NOTCH2: variants seen among roughly 807,000 people sequenced by gnomAD.
NOTCH2 encodes neurogenic locus notch homolog protein 2.
NOTCH2 carries 29 observed loss-of-function variants against 235.8 expected under a neutral mutation model. That is an observed-to-expected ratio of 0.12 (90% CI 0.09 to 0.17). NOTCH2 has a LOEUF of 0.17. Among genes scored for constraint, NOTCH2 ranks in the 10% least tolerant of loss-of-function variants. The pLI is 1.00. For missense variants in NOTCH2, 2,285 were observed against 3,150.2 expected, an observed-to-expected ratio of 0.73 and a Z score of 6.57; for synonymous variants, 1,086 against 1,141.5, an observed-to-expected ratio of 0.95 and a Z score of 0.98.
chr1:120,067,304 A>G (rs1553217269), intron 1 of NOTCH2, among the ~76,000 whole-genome samples: 1 of 147,818 alleles, frequency 6.8e-6, no homozygotes, highest in Non-Finnish European at 1.5e-5. Context: ...TAAAAATCAA[A>G]ATATCTAAAT....
intron 31 of NOTCH2, 67 bp downstream of exon 31, chr1:119,919,245 T>G: frequency 1.4e-6 from 2 of 1,474,662 alleles, no homozygotes; most frequent in Non-Finnish European, 1.9e-6. Flanking sequence ...ATTAATTCTT[T>G]AAAAACGATA....
intron 29 of NOTCH2, among the ~76,000 whole-genome samples, 167 bp from the exon 30 acceptor site, chr1:119,920,564 C>T (rs111953457): frequency 3.9e-5 from 6 of 152,304 alleles, no homozygotes; most frequent in African/African-American, 1.2e-4. Context: ...CCACTGCTCT[C>T]GTGATGTGGC....
intron 22 of NOTCH2, among the ~76,000 whole-genome samples, chr1:119,931,063 A>C (rs1375793780): frequency 1.3e-5 from 2 of 149,562 alleles, no homozygotes; most frequent in Non-Finnish European, 3.0e-5. Flanking sequence ...AGATTGCGCT[A>C]CTGCACTCCA....
intron 5 of NOTCH2, among the ~76,000 whole-genome samples, chr1:119,974,840 A>AT (rs1651507852): frequency 3.3e-5 from 5 of 152,188 alleles, no homozygotes; most frequent in Admixed American, 3.3e-4. Flanking sequence ...TTTCATATTT[A>AT]TTTACTCTTT....
At chr1:119,982,340 GC>G (rs1194983895) in intron 5 of NOTCH2, among the ~76,000 whole-genome samples, 1 of 152,106 alleles carries the variant, frequency 6.6e-6, no homozygotes, top group African/African-American at 2.4e-5. Context: ...TTAATAACAA[GC>G]ACAAGAAAAT....
rs1570715453 is a variant in NOTCH2, at chr1:119,984,244, C to G, written c.874+2716G>C. ...AGTCTATTAAAAAACACCCCAAGTTCTTAAAATAAAACAAGATAATTTACA... is the reference window on the plus strand; with the variant it reads ...AGTCTATTAAAAAACACCCCAAGTTGTTAAAATAAAACAAGATAATTTACA... On this transcript the variant is annotated intron_variant, in intron 5 of 33. Coordinates refer to ENST00000256646, the MANE Select transcript of NOTCH2 (RefSeq NM_024408.4). Among the ~76,000 whole-genome samples the G allele has an allele frequency of 2.0e-5, 3 of 152,206 alleles. No individual in the cohort carries two copies. In the East Asian group the frequency reaches 5.8e-4, roughly 29 times the overall value.
intron 2 of NOTCH2, among the ~76,000 whole-genome samples, chr1:120,023,380 T>A (rs1481764282): frequency 2.0e-5 from 3 of 149,954 alleles, no homozygotes; most frequent in Non-Finnish European, 4.4e-5. Context: ...GAGCTTACAG[T>A]GAGCCAAGAA....
chr1:119,984,078 A>G (rs1362581966), intron 5 of NOTCH2, among the ~76,000 whole-genome samples: 2 of 152,190 alleles, frequency 1.3e-5, no homozygotes, highest in Non-Finnish European at 1.5e-5. Context: ...GCAATAGGCT[A>G]TTAGGTATAG....
intron 23 of NOTCH2, among the ~76,000 whole-genome samples, chr1:119,927,671 C>A (rs781521226): frequency 6.6e-6 from 1 of 152,154 alleles, no homozygotes; most frequent in Non-Finnish European, 1.5e-5. Context: ...AAAAAAGCCT[C>A]AGGGGCAATG....
intron 2 of NOTCH2, among the ~76,000 whole-genome samples, chr1:120,010,254 CT>C (rs1342455392): frequency 6.6e-6 from 1 of 152,132 alleles, no homozygotes; most frequent in African/African-American, 2.4e-5. Context: ...CAGACATCAT[CT>C]TGTTGCTGGC....
chr1:119,923,269 C>T (rs587693188), intron 26 of NOTCH2, among the ~76,000 whole-genome samples: 1 of 152,138 alleles, frequency 6.6e-6, no homozygotes, highest in African/African-American at 2.4e-5. Context: ...AACTGAAGAT[C>T]ATTACCTGTG....
intron 5 of NOTCH2, among the ~76,000 whole-genome samples, chr1:119,979,234 T>TA (rs1305378270): frequency 6.6e-6 from 1 of 152,074 alleles, no homozygotes; most frequent in African/African-American, 2.4e-5. Flanking sequence ...ATGAACAGAT[T>TA]AAAAATCAAG....
At chr1:119,959,357 C>T in intron 12 of NOTCH2, 35 bp downstream of exon 12, 1 of 1,112,698 alleles carries the variant, frequency 9.0e-7, no homozygotes, top group Non-Finnish European at 1.4e-6. Flanking sequence ...AGTGATAGGG[C>T]TGAAGGAGGG....
In NOTCH2 at chr1:119,938,165, T is replaced by C. The variant is rs587725417; in HGVS notation, c.3184-155A>G. Reference sequence around the variant, plus strand: ...AAAAGAGCCCTTAAACTAGATTCAGTGTTCCGAGGTACACCTAACCATTTT... The same window carrying C: ...AAAAGAGCCCTTAAACTAGATTCAGCGTTCCGAGGTACACCTAACCATTTT... On this transcript the variant is annotated intron_variant, in intron 19 of 33. Transcript: ENST00000256646. 3.9e-5 allele frequency among the ~76,000 whole-genome samples: 6 copies of C among 152,296 alleles called. No individual in the cohort carries two copies. The South Asian group carries it at 1.2e-3, about 32-fold the overall frequency.
intron 2 of NOTCH2, among the ~76,000 whole-genome samples, chr1:120,026,994 C>T (rs1400959133): frequency 1.5e-5 from 2 of 135,960 alleles, no homozygotes; most frequent in Non-Finnish European, 3.2e-5. Flanking sequence ...CTCTGTCGCT[C>T]AGGCTGGAGT....
At chr1:120,010,656 G>C (rs1553206817) in intron 2 of NOTCH2, among the ~76,000 whole-genome samples, 1 of 151,978 alleles carries the variant, frequency 6.6e-6, no homozygotes, top group Non-Finnish European at 1.5e-5. Context: ...TAAACACTAT[G>C]CATTTGTTAA....
In NOTCH2 at chr1:119,949,003, T is replaced by C. The variant is rs1553197394; in HGVS notation, c.2599+4A>G. On this transcript the variant is annotated splice_donor_region_variant and intron_variant, in intron 16 of 33. Coordinates refer to ENST00000256646, the MANE Select transcript of NOTCH2 (RefSeq NM_024408.4). ...TCTTGGCTTCTCCACACCCATGTTC[T>C]TACCTTGCCAGCCAGGAGCACACAA... 6.2e-7 allele frequency: 1 copy of C among 1,614,218 alleles called. No individual in the cohort carries two copies. The highest frequency in any genetic ancestry group is 8.5e-7 in the Non-Finnish European group (1 of 1,180,028).
chr1:119,959,523 GA>G, intron 11 of NOTCH2, 21 bp from the exon 12 acceptor site: 2 of 1,288,694 alleles, frequency 1.6e-6, no homozygotes, highest in Non-Finnish European at 2.3e-6. Flanking sequence ...AAACCCAACG[GA>G]AACCATTCAA....
chr1:119,924,475 C>A (rs1463645899), intron 25 of NOTCH2, among the ~76,000 whole-genome samples: 2 of 152,176 alleles, frequency 1.3e-5, no homozygotes, highest in East Asian at 1.9e-4. Context: ...TGAATCCCAA[C>A]TACAGAAGGT....
Sources: gnomAD v4.1 joint callset for allele counts (sites outside exome capture counted in the v4.1 genomes callset) on GRCh38, gnomAD v4.1.1 for gene constraint, MANE v1.5 for transcripts, NCBI Gene and HGNC (gene_info 2026-07-23, HGNC 2026-07-21) for gene names.